RAB3IP: variants seen among roughly 807,000 people sequenced by gnomAD.
RAB3IP encodes the protein rab-3A-interacting protein.
Under a neutral mutation model 59.1 loss-of-function variants are expected in RAB3IP, and 36 were observed. That is an observed-to-expected ratio of 0.61 (90% CI 0.47 to 0.80). The LOEUF is 0.80. RAB3IP is among the 30% of genes least tolerant of loss of function. The pLI is 0.00. For missense variants in RAB3IP, 511 were observed against 536.0 expected (o/e 0.95, Z 0.46); for synonymous variants, 207 against 191.2 (o/e 1.08, Z -0.68).
intron 3 of RAB3IP, among the ~76,000 whole-genome samples, chr12:69,763,642 G>T (rs1001301620): frequency 1.3e-5 from 2 of 151,950 alleles, no homozygotes; most frequent in Non-Finnish European, 1.5e-5. Flanking sequence ...AATTTAGGGG[G>T]TATATGTGCA....
chr12:69,780,468 GC>G (rs1373194822), intron 3 of RAB3IP, among the ~76,000 whole-genome samples: 1 of 152,140 alleles, frequency 6.6e-6, no homozygotes, highest in Non-Finnish European at 1.5e-5. Flanking sequence ...GCCCAGGCAG[GC>G]AAGCTTCCCC....
chr12:69,761,021 C>T (rs1871226372), intron 3 of RAB3IP, among the ~76,000 whole-genome samples: 1 of 152,198 alleles, frequency 6.6e-6, no homozygotes, highest in East Asian at 1.9e-4. Context: ...CCTCTGGATT[C>T]CTATTACATG....
At chr12:69,770,453 T>G (rs2136171728) in intron 3 of RAB3IP, among the ~76,000 whole-genome samples, 1 of 152,370 alleles carries the variant, frequency 6.6e-6, no homozygotes, top group African/African-American at 2.4e-5. Flanking sequence ...CTGTATTGTC[T>G]TATACAAATT....
At chr12:69,794,541 T>G in intron 5 of RAB3IP, 27 bp downstream of exon 5, 1 of 1,554,490 alleles carries the variant, frequency 6.4e-7, no homozygotes, top group Non-Finnish European at 8.8e-7. Flanking sequence ...CTTAATAGTA[T>G]AAAATAAATT....
chr12:69,803,244 T>C (rs1327466168), intron 8 of RAB3IP, among the ~76,000 whole-genome samples: 1 of 152,112 alleles, frequency 6.6e-6, no homozygotes, highest in Non-Finnish European at 1.5e-5. Flanking sequence ...TTTAAGGATA[T>C]TGTGCTTGTG....
intron 3 of RAB3IP, among the ~76,000 whole-genome samples, chr12:69,766,266 TTTC>T (rs962662787): frequency 1.5e-4 from 23 of 152,332 alleles, no homozygotes; most frequent in Admixed American, 2.0e-4. Flanking sequence ...TTGTTTACTT[TTTC>T]TTCTTCTTAG....
intron 8 of RAB3IP, among the ~76,000 whole-genome samples, chr12:69,802,337 CACTT>C (rs925138302): frequency 2.5e-4 from 38 of 152,146 alleles, no homozygotes; most frequent in African/African-American, 7.7e-4. Flanking sequence ...AAAGGATTCT[CACTT>C]AAATAAATAA....
intron 1 of RAB3IP, among the ~76,000 whole-genome samples, chr12:69,748,829 A>G (rs1375859679): frequency 1.3e-5 from 2 of 152,362 alleles, no homozygotes; most frequent in African/African-American, 4.8e-5. Context: ...AATAAATCTT[A>G]AAGCTTCTAT....
Position 69,799,674 on chromosome 12 carries a change from C to T in RAB3IP, c.889-535C>T, listed in dbSNP as rs114589312. 1.1e-3 allele frequency among the ~76,000 whole-genome samples: 172 copies of T among 152,026 alleles called. 1 individual carries two copies. Among genetic ancestry groups the T allele is most frequent in the African/African-American group, 4.1e-3 (168 of 41,446 alleles). On this transcript the variant is annotated intron_variant, in intron 6 of 10. Transcript: ENST00000247833. ...ATTTTGACAATTCTTTTTGGAATGC[C>T]TTCAAGTTATAGTAGAACAATTAGT...
At position 69,792,722 on chromosome 12, in the gene RAB3IP, A is replaced by G. The variant is rs974875246; in HGVS notation, c.607-1715A>G. 2.0e-5 allele frequency among the ~76,000 whole-genome samples: 3 copies of G among 152,300 alleles called. No individual in the cohort carries two copies. In the East Asian group the frequency reaches 5.8e-4, roughly 29 times the overall value. The stretch of plus-strand genomic sequence containing the variant: ...TCCTTTTGGGGCTCCAATTATATGT[A>G]TGTTATACCTTTTCACTGTAACCCT... On this transcript the variant is annotated intron_variant, in intron 4 of 10. Transcript: ENST00000247833.
At chr12:69,770,428 TA>T (rs1329012504) in intron 3 of RAB3IP, among the ~76,000 whole-genome samples, 2 of 152,236 alleles carry the variant, frequency 1.3e-5, no homozygotes, top group Non-Finnish European at 2.9e-5. Flanking sequence ...AAATGCTGTG[TA>T]AATAGTTGTT....
chr12:69,808,405 G>GCA (rs1879828002), intron 8 of RAB3IP, among the ~76,000 whole-genome samples: 1 of 152,166 alleles, frequency 6.6e-6, no homozygotes, highest in African/African-American at 2.4e-5. Flanking sequence ...TGTCTATTAG[G>GCA]TCTGCTTGGT....
intron 3 of RAB3IP, among the ~76,000 whole-genome samples, chr12:69,782,128 A>G (rs899717325): frequency 6.6e-6 from 1 of 152,142 alleles, no homozygotes; most frequent in African/African-American, 2.4e-5. Context: ...AGTTTTGGCC[A>G]TTCTAGTAGG....
chr12:69,791,438 A>C (rs1398371354), intron 4 of RAB3IP, among the ~76,000 whole-genome samples: 1 of 152,236 alleles, frequency 6.6e-6, no homozygotes, highest in Non-Finnish European at 1.5e-5. Context: ...GTATCTGATA[A>C]GGAGTTAATA....
At position 69,749,174 on chromosome 12, in the gene RAB3IP, G is replaced by A. The variant is rs78502846; in HGVS notation, c.-25-6210G>A. Among the ~76,000 whole-genome samples, 9 of 152,322 alleles carry A rather than the reference G, an allele frequency of 5.9e-5. No homozygotes were observed. The East Asian group carries it at 1.5e-3, about 26-fold the overall frequency. On this transcript the variant is annotated intron_variant, in intron 1 of 10. Transcript: ENST00000247833. The stretch of plus-strand genomic sequence containing the variant: ...GTGGCAGAAGGTAAGTGGCGGACAA[G>A]CGAGCATTCCCACTTGAGCTCCACC...
At chr12:69,756,359 G>T (rs367976716) in intron 2 of RAB3IP, 46 bp from the exon 3 acceptor site, 1 of 1,592,314 alleles carries the variant, frequency 6.3e-7, no homozygotes, top group Admixed American at 1.7e-5. Context: ...CAGTTCTATT[G>T]GAGCATATGC....
intron 8 of RAB3IP, among the ~76,000 whole-genome samples, chr12:69,809,418 C>G (rs1592624827): frequency 6.6e-6 from 1 of 152,148 alleles, no homozygotes; most frequent in South Asian, 2.1e-4. Context: ...GTAGCATTCT[C>G]TGTATTTCCT....
chr12:69,784,090 T>A (rs967722591), intron 3 of RAB3IP, among the ~76,000 whole-genome samples: 3 of 152,336 alleles, frequency 2.0e-5, no homozygotes, highest in Admixed American at 2.0e-4. Context: ...TGCATATGCT[T>A]AATAGCTGAA....
intron 4 of RAB3IP, among the ~76,000 whole-genome samples, chr12:69,789,623 T>C (rs147254796): frequency 1.7e-3 from 265 of 152,206 alleles, no homozygotes; most frequent in African/African-American, 5.9e-3. Context: ...AGCCAGTAAA[T>C]GTACCACAAG....
Sources: gnomAD v4.1 joint callset for allele counts (sites outside exome capture counted in the v4.1 genomes callset) on GRCh38, gnomAD v4.1.1 for gene constraint, MANE v1.5 for transcripts, NCBI Gene and HGNC (gene_info 2026-07-23, HGNC 2026-07-21) for gene names.